CFAP44: variants seen among roughly 807,000 people sequenced by gnomAD.
CFAP44 encodes the protein cilia- and flagella-associated protein 44.
A neutral mutation model predicts 216.2 loss-of-function variants in CFAP44; 134 were observed. That is an observed-to-expected ratio of 0.62 (90% confidence interval 0.54 to 0.72). The LOEUF (loss-of-function observed/expected upper bound fraction) is 0.72. CFAP44 is among the 30% of genes least tolerant of loss of function. CFAP44 has a pLI of 0.00. For missense variants in CFAP44, 2,035 were observed against 2,182.1 expected (o/e 0.93, Z 1.34); for synonymous variants, 700 against 727.6 (o/e 0.96, Z 0.61).
intron 26 of CFAP44, among the ~76,000 whole-genome samples, chr3:113,328,211 A>C (rs989936325): frequency 6.6e-6 from 1 of 151,306 alleles, no homozygotes; most frequent in Non-Finnish European, 1.5e-5. Context: ...ACGTTTCCCA[A>C]CTTCTTATGT....
At chr3:113,296,950 G>A in intron 32 of CFAP44, 65 bp from the exon 33 acceptor site, 2 of 1,498,224 alleles carry the variant, frequency 1.3e-6, no homozygotes, top group Non-Finnish European at 1.8e-6. Flanking sequence ...TGAACACCAG[G>A]AACAATAACA....
rs1270975352 is a variant in CFAP44 at position 113,303,907 on chromosome 3, G to T, written c.5077+9C>A. Reference sequence around the variant, plus strand: ...CCTTACTAGCAAGGCTGTGGGCTTAGATACTCACTGTGTATGGTTTTTGTC... The same window carrying T: ...CCTTACTAGCAAGGCTGTGGGCTTATATACTCACTGTGTATGGTTTTTGTC... On this transcript the variant is annotated intron_variant, in intron 32 of 34. Transcript: ENST00000393845. 6.5e-7 allele frequency: 1 copy of T among 1,537,442 alleles called. No homozygotes were observed. The highest frequency in any genetic ancestry group is 2.4e-5 in the East Asian group (1 of 40,916).
At chr3:113,410,247 C>A (rs1362525247) in intron 6 of CFAP44, among the ~76,000 whole-genome samples, 2 of 151,998 alleles carry the variant, frequency 1.3e-5, no homozygotes, top group Non-Finnish European at 2.9e-5. Context: ...TGTGCTTCAC[C>A]CATTAACTCA....
chr3:113,357,709 T>G (rs950089204), intron 22 of CFAP44, among the ~76,000 whole-genome samples: 1 of 152,162 alleles, frequency 6.6e-6, no homozygotes, highest in African/African-American at 2.4e-5. Context: ...TGGGGATCAA[T>G]TGGGATTCTC....
Position 113,395,856 on chromosome 3 carries a change from TTACTC to T in CFAP44, c.1780-1_1783del, listed in dbSNP as rs1449965909. The T allele has an allele frequency of 3.1e-6, 5 of 1,611,628 alleles. No homozygotes were observed. The highest frequency in any genetic ancestry group is 2.2e-5 in the East Asian group (1 of 44,818). ...TTCAAAGAAGAAAACAGTTTGATCT[TTACTC>T]TAAGGAAAAAGAGACACACCGACGA... On this transcript the variant is annotated splice_acceptor_variant and coding_sequence_variant, in exon 15 of 35. Transcript: ENST00000393845. LOFTEE classifies it high-confidence loss of function.
At chr3:113,300,295 T>C (rs1949922429) in intron 32 of CFAP44, among the ~76,000 whole-genome samples, 1 of 152,156 alleles carries the variant, frequency 6.6e-6, no homozygotes, top group African/African-American at 2.4e-5. Flanking sequence ...TGGTATTTGA[T>C]AGCCCAGCAG....
At position 113,330,663 on chromosome 3, in the gene CFAP44, ATGGACCTG is replaced by A. The variant is rs1427775837; in HGVS notation, c.3616-3_3620del. 2.6e-6 allele frequency: 4 copies of A among 1,528,842 alleles called. No individual in the cohort carries two copies. Among genetic ancestry groups the A allele is most frequent in the Admixed American group, 4.1e-5 (2 of 49,200 alleles). The allele number at this position is 1,528,842 out of a possible 1,614,324, so 94.7% of individuals were successfully genotyped here. On this transcript the variant is annotated splice_acceptor_variant and splice_polypyrimidine_tract_variant and coding_sequence_variant and intron_variant, in exon 26 of 35. Transcript: ENST00000393845. LOFTEE classifies it high-confidence loss of function. Reference sequence around the variant, plus strand: ...ACTTGTTCATGTGCCTTTTATTTCCATGGACCTGAAAAAAAGAAGAGGAAGGAAACAAC... The same window carrying A: ...ACTTGTTCATGTGCCTTTTATTTCCAAAAAAAAGAAGAGGAAGGAAACAAC...
chr3:113,306,161 A>G (rs1401322482), intron 30 of CFAP44, 40 bp downstream of exon 30: 67 of 1,519,786 alleles, frequency 4.4e-5, no homozygotes, highest in Non-Finnish European at 5.7e-5. Flanking sequence ...GAGGATGTGT[A>G]GCATTTTGAG....
chr3:113,362,928 G>T (rs990070113), intron 21 of CFAP44: 9 of 1,287,466 alleles, frequency 7.0e-6, no homozygotes, highest in Non-Finnish European at 8.8e-6. Context: ...AACAGTTGAT[G>T]TAAAACAATT....
At chr3:113,397,710 G>C (rs949953258) in intron 13 of CFAP44, among the ~76,000 whole-genome samples, 2 of 152,140 alleles carry the variant, frequency 1.3e-5, no homozygotes, top group African/African-American at 4.8e-5. Flanking sequence ...GGTATTACTG[G>C]ATATGGGGAA....
At chr3:113,371,846 T>A (rs548758387) in intron 18 of CFAP44, among the ~76,000 whole-genome samples, 1 of 152,030 alleles carries the variant, frequency 6.6e-6, no homozygotes, top group African/African-American at 2.4e-5. Flanking sequence ...AGGGCTAATA[T>A]CCAGAATCTA....
At chr3:113,398,653 A>T (rs1934057648) in intron 13 of CFAP44, among the ~76,000 whole-genome samples, 1 of 152,190 alleles carries the variant, frequency 6.6e-6, no homozygotes, top group East Asian at 1.9e-4. Flanking sequence ...CATCATGAAG[A>T]TGGCTCTCTT....
intron 28 of CFAP44, among the ~76,000 whole-genome samples, chr3:113,321,154 A>C (rs1950143073): frequency 6.6e-6 from 1 of 152,212 alleles, no homozygotes; most frequent in South Asian, 2.1e-4. Context: ...CCAGCAGCAC[A>C]TCAAAAAGTT....
intron 22 of CFAP44, among the ~76,000 whole-genome samples, chr3:113,351,625 C>G (rs1225742262): frequency 1.3e-5 from 2 of 152,178 alleles, no homozygotes; most frequent in East Asian, 3.9e-4. Context: ...TGTTTTTACA[C>G]TAACCAGTCA....
chr3:113,325,703 T>G (rs896852724), intron 28 of CFAP44, among the ~76,000 whole-genome samples: 5 of 152,132 alleles, frequency 3.3e-5, no homozygotes, highest in Non-Finnish European at 7.3e-5. Context: ...TTTGTAGATA[T>G]AAAGAAGATT....
intron 32 of CFAP44, 76 bp from the exon 33 acceptor site, chr3:113,296,961 T>C: frequency 6.8e-7 from 1 of 1,478,816 alleles, no homozygotes; most frequent in Non-Finnish European, 9.1e-7. Flanking sequence ...AACAATAACA[T>C]TCTAAGGAAC....
intron 21 of CFAP44, among the ~76,000 whole-genome samples, chr3:113,359,983 A>G (rs535663096): frequency 3.3e-5 from 5 of 152,276 alleles, no homozygotes; most frequent in African/African-American, 1.2e-4. Context: ...AGCACAGACA[A>G]TCAAATTATA....
At chr3:113,434,288 G>A (rs746613875) in intron 1 of CFAP44, among the ~76,000 whole-genome samples, 1 of 152,144 alleles carries the variant, frequency 6.6e-6, no homozygotes, top group Non-Finnish European at 1.5e-5. Context: ...AGAGGTGTTT[G>A]AGACATGGAT....
Position 113,409,234 on chromosome 3 carries a change from CAGTGTGT to C in CFAP44, c.755_761del (p.Tyr252Ter), listed in dbSNP as rs1934383578. The stretch of plus-strand genomic sequence containing the variant: ...GTTCTTCTTTCCAGTTCCAGATAGT[CAGTGTGT>C]AGTCAGGGTTACTACCAACAGAGGC... On this transcript the variant is annotated frameshift_variant, in exon 7 of 35. Transcript: ENST00000393845. LOFTEE classifies it high-confidence loss of function. The C allele has an allele frequency of 6.2e-7, 1 of 1,614,016 alleles. No individual in the cohort carries two copies. The highest frequency in any genetic ancestry group is 1.7e-5 in the Admixed American group (1 of 59,998).
Sources: allele counts gnomAD v4.1 joint callset (sites outside exome capture counted in the v4.1 genomes callset), GRCh38; gene constraint gnomAD v4.1.1; transcripts MANE v1.5; gene names NCBI Gene and HGNC (gene_info 2026-07-23, HGNC 2026-07-21).